The following WFDC10B variants were observed in gnomAD, a reference collection of about 807,000 sequenced individuals.
WFDC10B encodes WAP four-disulfide core domain 10B, also known as protein WFDC10B.
Under a neutral mutation model 2.7 loss-of-function variants are expected in WFDC10B, and 1 was observed. The ratio of observed to expected loss-of-function variants is 0.38; its 90% CI spans 0.13 to 1.79. The LOEUF is 1.79. WFDC10B is among the 40% of genes most tolerant of loss of function. WFDC10B has a pLI of 0.33. For missense variants in WFDC10B, 71 were observed against 87.8 expected (o/e 0.81, Z 0.76); for synonymous variants, 26 against 32.2 (o/e 0.81, Z 0.65).
intron 2 of WFDC10B, among the ~76,000 whole-genome samples, chr20:45,700,975 A>G (rs773317187): frequency 6.6e-6 from 1 of 152,270 alleles, no homozygotes; most frequent in Non-Finnish European, 1.5e-5. Context: ...TGGAAAGAAG[A>G]AAAGATCCAA....
At chr20:45,685,709 C>T (rs1276934807) in intron 3 of WFDC10B, among the ~76,000 whole-genome samples, 193 bp downstream of exon 3, 3 of 152,192 alleles carry the variant, frequency 2.0e-5, no homozygotes, top group South Asian at 4.1e-4. Flanking sequence ...CCCTTCATTC[C>T]CACTACTATT....
chr20:45,695,089 G>C (rs768117180), intron 2 of WFDC10B, among the ~76,000 whole-genome samples: 1 of 152,246 alleles, frequency 6.6e-6, no homozygotes, highest in Admixed American at 6.5e-5. Flanking sequence ...CCTGAGTTCT[G>C]TGAGCTGTTT....
intron 1 of WFDC10B, 105 bp downstream of exon 1, chr20:45,704,813 T>A (rs1475167236): frequency 7.5e-7 from 1 of 1,341,558 alleles, no homozygotes; most frequent in East Asian, 2.3e-5. Flanking sequence ...CCCATCACCA[T>A]ATCCGTGAAT....
At chr20:45,685,270 G>A (rs1983570136) in intron 3 of WFDC10B, among the ~76,000 whole-genome samples, 2 of 152,094 alleles carry the variant, frequency 1.3e-5, no homozygotes, top group South Asian at 4.2e-4. Flanking sequence ...TAGAATCTAT[G>A]GTCTGACCCT....
chr20:45,698,407 A>C (rs1410671169), intron 2 of WFDC10B, among the ~76,000 whole-genome samples: 1 of 152,206 alleles, frequency 6.6e-6, no homozygotes, highest in Non-Finnish European at 1.5e-5. Context: ...CCAAAAGCAC[A>C]GTAACAAAAG....
chr20:45,699,008 GGAAGAA>G (rs1353073049), intron 2 of WFDC10B, among the ~76,000 whole-genome samples: 2 of 149,082 alleles, frequency 1.3e-5, no homozygotes, highest in Non-Finnish European at 3.0e-5. Flanking sequence ...AGGGGGAGGG[GGAAGAA>G]GAAGAAGAAA....
intron 2 of WFDC10B, among the ~76,000 whole-genome samples, chr20:45,697,492 T>C (rs796133553): frequency 1.8e-4 from 27 of 147,780 alleles, no homozygotes; most frequent in African/African-American, 6.5e-4. Context: ...GCTGGGACTA[T>C]AGGCGCATGC....
At chr20:45,698,683 T>G (rs1309192081) in intron 2 of WFDC10B, among the ~76,000 whole-genome samples, 2 of 151,526 alleles carry the variant, frequency 1.3e-5, no homozygotes, top group Middle Eastern at 3.2e-3. Context: ...ATGCTCAATA[T>G]CGGCTGGGCA....
chr20:45,702,040 C>T, intron 2 of WFDC10B: 1 of 1,364,050 alleles, frequency 7.3e-7, no homozygotes, highest in Non-Finnish European at 1.0e-6. Context: ...ACTTTGCCCT[C>T]TTTCCTTCTC....
intron 3 of WFDC10B, 97 bp downstream of exon 3, chr20:45,685,805 G>C (rs1983592338): frequency 6.5e-7 from 1 of 1,530,578 alleles, no homozygotes; most frequent in East Asian, 2.4e-5. Context: ...TGGATATGCA[G>C]AAAGGTTGCA....
In WFDC10B at chr20:45,687,860, TTTATTATTA is replaced by T. The variant is rs149834246; in HGVS notation, c.-64-1813_-64-1805del. 3.6e-3 allele frequency among the ~76,000 whole-genome samples: 519 copies of T among 145,342 alleles called. 4 individuals are homozygous for T. The highest frequency in any genetic ancestry group is 0.017 in the East Asian group (83 of 5,000). Reference sequence around the variant, plus strand: ...TTTAATGGGATTGCTTGTCTTTTCTTTTATTATTATTATTATTATTATTATTATTATACT... The same window carrying T: ...TTTAATGGGATTGCTTGTCTTTTCTTTTATTATTATTATTATTATTATACT... On this transcript the variant is annotated intron_variant, in intron 2 of 3. Coordinates refer to ENST00000330523, the MANE Select transcript of WFDC10B (RefSeq NM_172006.2).
chr20:45,689,135 A>T (rs1183660588), intron 2 of WFDC10B, among the ~76,000 whole-genome samples: 2 of 147,654 alleles, frequency 1.4e-5, no homozygotes, highest in African/African-American at 5.1e-5. Flanking sequence ...AGGTTTGTCA[A>T]AGATCAGATA....
At chr20:45,688,256 T>C (rs1406828890) in intron 2 of WFDC10B, among the ~76,000 whole-genome samples, 1 of 152,062 alleles carries the variant, frequency 6.6e-6, no homozygotes, top group Non-Finnish European at 1.5e-5. Flanking sequence ...TGCCACATTT[T>C]CTTAATCCAG....
In WFDC10B at chr20:45,685,972, C is replaced by G; in HGVS notation, c.21G>C (p.Leu7=). The G allele has an allele frequency of 6.2e-7, 1 of 1,614,084 alleles. No individual in the cohort carries two copies. Among genetic ancestry groups the G allele is most frequent in the Non-Finnish European group, 8.5e-7 (1 of 1,179,996 alleles). The change falls in exon 3 of 4, where the codon CTG becomes CTC. Residue 7 remains leucine (L), a synonymous_variant. Coordinates refer to ENST00000330523, the MANE Select transcript of WFDC10B (RefSeq NM_172006.2). The part of the protein sequence containing the change: MAPQTL[L]LVLVLCVLLL... The stretch of plus-strand genomic sequence containing the variant: ...GCAGCACACAGAGAACCAGGACAAG[C>G]AGCAGAGTCTGGGGTGCCATAACTC...
At position 45,704,520 on chromosome 20, in the gene WFDC10B, C is replaced by A. The variant is rs757477429; in HGVS notation, c.-88G>T. ...ACCTGTGTACAATGCAGGAAGATTG[C>A]GAGAAAGGATTTCAGTGCTGTTCCT... On this transcript the variant is annotated 5_prime_UTR_variant, in exon 2 of 4. Coordinates refer to ENST00000330523, the MANE Select transcript of WFDC10B (RefSeq NM_172006.2). The A allele has an allele frequency of 3.7e-6, 6 of 1,614,006 alleles. No homozygotes were observed. Among genetic ancestry groups the A allele is most frequent in the African/African-American group, 1.3e-5 (1 of 74,898 alleles).
At position 45,684,798 on chromosome 20, in the gene WFDC10B, A is replaced by C. The variant is rs1431919882; in HGVS notation, c.*32T>G. ...CAGTCTCGGATGGAAGGGTTCAGGG[A>C]GCAGGATGCACATCCCAGCCCACTC... On this transcript the variant is annotated 3_prime_UTR_variant, in exon 4 of 4. Transcript: ENST00000330523. 2 of 1,610,718 alleles carry C rather than the reference A, an allele frequency of 1.2e-6. No homozygotes were observed. The highest frequency in any genetic ancestry group is 1.7e-6 in the Non-Finnish European group (2 of 1,178,012).
intron 2 of WFDC10B, among the ~76,000 whole-genome samples, chr20:45,692,804 G>T (rs956195670): frequency 6.6e-6 from 1 of 152,026 alleles, no homozygotes; most frequent in African/African-American, 2.4e-5. Context: ...TAGTTTGATC[G>T]TCTGAAGCCT....
intron 2 of WFDC10B, among the ~76,000 whole-genome samples, chr20:45,692,129 G>GA (rs1415191441): frequency 7.2e-5 from 11 of 152,254 alleles, no homozygotes; most frequent in African/African-American, 1.4e-4. Context: ...ATTCTGGGTT[G>GA]AAACTCTTTC....
intron 3 of WFDC10B, 34 bp downstream of exon 3, chr20:45,685,868 C>A: frequency 6.2e-7 from 1 of 1,611,290 alleles, no homozygotes; most frequent in Non-Finnish European, 8.5e-7. Flanking sequence ...CCCTACCCAA[C>A]TCTCCATCAC....
Sources: gnomAD v4.1 joint callset for allele counts (sites outside exome capture counted in the v4.1 genomes callset) on GRCh38, gnomAD v4.1.1 for gene constraint, MANE v1.5 for transcripts, NCBI Gene and HGNC (gene_info 2026-07-23, HGNC 2026-07-21) for gene names.